The following DSCAML1 variants were observed in gnomAD, a reference collection of about 807,000 sequenced individuals.
DSCAML1 encodes cell adhesion molecule DSCAML1.
Under a neutral mutation model 200.5 loss-of-function variants are expected in DSCAML1, and 38 were observed. The ratio of observed to expected loss-of-function variants is 0.19; its 90% confidence interval spans 0.15 to 0.25. The LOEUF (loss-of-function observed/expected upper bound fraction) is 0.25. DSCAML1 is among the 10% of genes least tolerant of loss of function. The pLI, the probability that DSCAML1 is intolerant of heterozygous loss-of-function variation, is 1.00. For missense variants in DSCAML1, 2,223 were observed against 2,858.8 expected, an observed-to-expected ratio of 0.78 and a Z score of 5.07; for synonymous variants, 1,215 against 1,165.0, an observed-to-expected ratio of 1.04 and a Z score of -0.87.
At chr11:117,685,356 T>C (rs557754960) in intron 3 of DSCAML1, among the ~76,000 whole-genome samples, 1 of 152,268 alleles carries the variant, frequency 6.6e-6, no homozygotes, top group East Asian at 1.9e-4. Flanking sequence ...TCTTCATGTC[T>C]CCACCCTTCC....
chr11:117,580,503 G>A (rs997593471), intron 3 of DSCAML1, among the ~76,000 whole-genome samples: 4 of 152,196 alleles, frequency 2.6e-5, no homozygotes, highest in Non-Finnish European at 5.9e-5. Context: ...GTACTTTCAG[G>A]AATTTTGTGA....
chr11:117,439,198 A>C (rs2047988110), intron 23 of DSCAML1, 68 bp downstream of exon 23: 12 of 1,576,772 alleles, frequency 7.6e-6, no homozygotes, highest in African/African-American at 1.3e-5. Flanking sequence ...ACCCTCTCGC[A>C]TGATGGAATC....
chr11:117,725,565 G>T (rs578103114), intron 3 of DSCAML1, among the ~76,000 whole-genome samples: 2 of 152,240 alleles, frequency 1.3e-5, no homozygotes, highest in South Asian at 4.2e-4. Context: ...TGTCCGATCC[G>T]CACTGTTGAG....
intron 14 of DSCAML1, among the ~76,000 whole-genome samples, chr11:117,477,156 G>C (rs1315433571): frequency 6.7e-6 from 1 of 149,864 alleles, no homozygotes; most frequent in Non-Finnish European, 1.5e-5. Context: ...TTTGCCAGTG[G>C]TTCTTGTTCC....
At chr11:117,462,925 C>G (rs915070599) in intron 17 of DSCAML1, among the ~76,000 whole-genome samples, 13 of 152,226 alleles carry the variant, frequency 8.5e-5, no homozygotes, top group African/African-American at 3.1e-4. Flanking sequence ...ATAGCCTGTG[C>G]TGATCTCTCC....
Position 117,524,942 on chromosome 11 carries a change from G to C in DSCAML1, c.800C>G (p.Pro267Arg). Residue 267 changes from proline (P) to arginine (R), a missense_variant, in exon 5 of 33, where the codon CCG becomes CGG. Coordinates refer to ENST00000651296, the MANE Select transcript of DSCAML1 (RefSeq NM_020693.4). ...IRWLKDGRPL[P>R]ADSRWTKRIT... ...GCGCTTGGTCCAGCGGCTGTCAGCCGGGAGGGGCCGGCCATCCTTGAGCCA... is the reference window on the plus strand; with the variant it reads ...GCGCTTGGTCCAGCGGCTGTCAGCCCGGAGGGGCCGGCCATCCTTGAGCCA... 6.2e-7 allele frequency: 1 copy of C among 1,613,512 alleles called. No homozygotes were observed. The highest frequency in any genetic ancestry group is 1.1e-5 in the South Asian group (1 of 90,948).
At chr11:117,689,660 G>A (rs539100765) in intron 3 of DSCAML1, among the ~76,000 whole-genome samples, 15 of 152,238 alleles carry the variant, frequency 9.9e-5, no homozygotes, top group Admixed American at 8.5e-4. Flanking sequence ...CCACATCATG[G>A]GCTACTCAGG....
chr11:117,579,988 G>A (rs763674544), intron 3 of DSCAML1, among the ~76,000 whole-genome samples: 2 of 152,076 alleles, frequency 1.3e-5, no homozygotes, highest in Admixed American at 6.5e-5. Context: ...AGCTGTTTCC[G>A]TCATCAGAGC....
At chr11:117,730,808 T>G (rs988254728) in intron 3 of DSCAML1, among the ~76,000 whole-genome samples, 1 of 152,178 alleles carries the variant, frequency 6.6e-6, no homozygotes, top group Non-Finnish European at 1.5e-5. Context: ...ACACCTCATA[T>G]CCATCAATGG....
At chr11:117,653,354 G>C (rs2052670383) in intron 3 of DSCAML1, among the ~76,000 whole-genome samples, 1 of 152,184 alleles carries the variant, frequency 6.6e-6, no homozygotes, top group African/African-American at 2.4e-5. Context: ...CTGGTCTTTA[G>C]TCAAGTTTGG....
chr11:117,705,568 C>A (rs534284080), intron 3 of DSCAML1, among the ~76,000 whole-genome samples: 25 of 152,268 alleles, frequency 1.6e-4, no homozygotes, highest in Admixed American at 4.6e-4. Flanking sequence ...CCTGGAATTA[C>A]CTCTGGCTAT....
intron 2 of DSCAML1, among the ~76,000 whole-genome samples, chr11:117,778,045 C>T (rs1473291422): frequency 1.3e-5 from 2 of 152,212 alleles, no homozygotes; most frequent in African/African-American, 4.8e-5. Context: ...CCCATCCCCA[C>T]CCCCTGACTG....
At chr11:117,778,785 C>T (rs528879818) in intron 2 of DSCAML1, among the ~76,000 whole-genome samples, 1 of 152,340 alleles carries the variant, frequency 6.6e-6, no homozygotes, top group African/African-American at 2.4e-5. Flanking sequence ...GCTGTGGAGG[C>T]CAGAGCTGGG....
intron 2 of DSCAML1, among the ~76,000 whole-genome samples, chr11:117,777,387 C>A (rs1389350241): frequency 6.6e-6 from 1 of 152,110 alleles, no homozygotes; most frequent in Non-Finnish European, 1.5e-5. Context: ...ATTGCTGGAC[C>A]CAGGGTGGCA....
chr11:117,695,469 AGGTAAGCTT>A (rs1565879545), intron 3 of DSCAML1, among the ~76,000 whole-genome samples: 1 of 151,998 alleles, frequency 6.6e-6, no homozygotes, highest in Non-Finnish European at 1.5e-5. Flanking sequence ...GAATCAGAGC[AGGTAAGCTT>A]GTCCAGAGAG....
chr11:117,555,148 G>A (rs753777370), intron 3 of DSCAML1, among the ~76,000 whole-genome samples: 266 of 152,336 alleles, frequency 1.7e-3, no homozygotes, highest in Non-Finnish European at 2.8e-3. Flanking sequence ...CCCTGGATGG[G>A]TGTGTTACCC....
intron 19 of DSCAML1, among the ~76,000 whole-genome samples, chr11:117,452,502 C>T (rs953286828): frequency 1.3e-5 from 2 of 152,170 alleles, no homozygotes; most frequent in African/African-American, 4.8e-5. Context: ...ATGTTTTAGA[C>T]ATCTCCTGTA....
chr11:117,726,802 C>T (rs1443028639), intron 3 of DSCAML1, among the ~76,000 whole-genome samples: 6 of 151,962 alleles, frequency 3.9e-5, no homozygotes, highest in South Asian at 2.1e-4. Flanking sequence ...TGGTAGTGAT[C>T]GCGGGAGAAT....
At chr11:117,583,615 C>T (rs2051084951) in intron 3 of DSCAML1, among the ~76,000 whole-genome samples, 1 of 152,194 alleles carries the variant, frequency 6.6e-6, no homozygotes, top group South Asian at 2.1e-4. Flanking sequence ...TCTCCCTGTG[C>T]AGGTCTGCCC....
Sources: allele counts gnomAD v4.1 joint callset (sites outside exome capture counted in the v4.1 genomes callset), GRCh38; gene constraint gnomAD v4.1.1; transcripts MANE v1.5; gene names NCBI Gene and HGNC (gene_info 2026-07-23, HGNC 2026-07-21).